HERC1: variants seen among roughly 807,000 people sequenced by gnomAD.
HERC1 encodes the protein probable E3 ubiquitin-protein ligase HERC1.
A neutral mutation model predicts 554.3 loss-of-function variants in HERC1; 160 were observed. The ratio of observed to expected loss-of-function variants is 0.29; its 90% CI spans 0.25 to 0.33. The LOEUF is 0.33. Among genes scored for constraint, HERC1 ranks in the 10% least tolerant of loss-of-function variants. The pLI, the probability that HERC1 is intolerant of heterozygous loss-of-function variation, is 1.00. For missense variants in HERC1, 4,919 were observed against 5,918.5 expected (o/e 0.83, Z 5.54); for synonymous variants, 2,175 against 2,131.7 (o/e 1.02, Z -0.56).
rs2075488316 is a variant in HERC1 at position 63,758,018 on chromosome 15, T to G, written c.1221+157A>C. On this transcript the variant is annotated intron_variant, in intron 4 of 77. Coordinates refer to ENST00000443617, the MANE Select transcript of HERC1 (RefSeq NM_003922.4). The surrounding 1 kb of genome is among the most constrained non-coding windows in gnomAD (Gnocchi z 4.0). ...CCACTGCGCCCAGCAAAAATTTATT[T>G]TTCTATTAAAATGAAAAAAACTAAT... 6.6e-6 allele frequency among the ~76,000 whole-genome samples: 1 copy of G among 152,210 alleles called. No individual in the cohort carries two copies. The highest frequency in any genetic ancestry group is 1.5e-5 in the Non-Finnish European group (1 of 68,044).
At chr15:63,717,869 C>CAAAAAAAAA (rs1300299348) in intron 21 of HERC1, among the ~76,000 whole-genome samples, 1 of 152,034 alleles carries the variant, frequency 6.6e-6, no homozygotes, top group Non-Finnish European at 1.5e-5. Context: ...GAGACTGTCT[C>CAAAAAAAAA]AAAAATAAAA....
In HERC1 at chr15:63,733,004, C is replaced by T. The variant is rs1464710753; in HGVS notation, c.2788G>A (p.Gly930Ser). Residue 930 changes from glycine (G) to serine (S), a missense_variant, in exon 14 of 78, where the codon GGC (glycine) becomes AGC (serine). By Grantham distance (56) the Gly-to-Ser change is moderately conservative (BLOSUM62 0). This residue lies in a region of HERC1 where 744 missense variants were observed against 1,090.0 expected (regional missense o/e 0.68). Transcript: ENST00000443617. ...GYGNLSDQPY[G>S]TQSCHPDTHL... Reference sequence around the variant, plus strand: ...GTATCTGGATGGCAGCTCTGAGTGCCGTAAGGTTGATCTGACAGATTTCCG... The same window carrying T: ...GTATCTGGATGGCAGCTCTGAGTGCTGTAAGGTTGATCTGACAGATTTCCG... 4.3e-6 allele frequency: 7 copies of T among 1,613,756 alleles called. No individual in the cohort carries two copies. The highest frequency in any genetic ancestry group is 1.1e-5 in the South Asian group (1 of 91,060).
intron 25 of HERC1, among the ~76,000 whole-genome samples, chr15:63,701,100 T>C (rs1459127735): frequency 3.9e-5 from 6 of 152,006 alleles, no homozygotes; most frequent in Admixed American, 3.9e-4. Context: ...TAAATTACTT[T>C]TCAAAATGAA....
chr15:63,682,332 C>A (rs920689982), intron 34 of HERC1, among the ~76,000 whole-genome samples: 5 of 152,182 alleles, frequency 3.3e-5, no homozygotes, highest in African/African-American at 9.7e-5. Flanking sequence ...AAAAACTGTG[C>A]TGTTCTTTCT....
In HERC1 at chr15:63,713,645, A is replaced by C; in HGVS notation, c.4171T>G (p.Ser1391Ala). The C allele has an allele frequency of 6.2e-7, 1 of 1,611,090 alleles. No homozygotes were observed. Among genetic ancestry groups the C allele is most frequent in the Non-Finnish European group, 8.5e-7 (1 of 1,178,486 alleles). ...TAGKIFQCFL[S>A]AREVARSRDR... is the part of the protein sequence containing the mutation. ...CGGCTACGAGCTACTTCACGGGCTG[A>C]GAGGAAACACTGAAAGATTTCTGTA... Residue 1391 changes from serine (S) to alanine (A), a missense_variant, in exon 23 of 78, where the codon TCA becomes GCA. This residue lies in a region of HERC1 where 1,121 missense variants were observed against 1,244.0 expected (regional missense o/e 0.90). Transcript: ENST00000443617.
chr15:63,755,878 G>A (rs1332442071), intron 5 of HERC1, among the ~76,000 whole-genome samples: 1 of 152,032 alleles, frequency 6.6e-6, no homozygotes, highest in Non-Finnish European at 1.5e-5. Context: ...TATTTGTGTG[G>A]GTCCTTGGCA....
intron 25 of HERC1, among the ~76,000 whole-genome samples, chr15:63,705,497 T>G (rs1270454795): frequency 6.6e-6 from 1 of 151,782 alleles, no homozygotes; most frequent in Non-Finnish European, 1.5e-5. Context: ...TTGAGCTATA[T>G]ACATGAAAAT....
chr15:63,686,558 A>T, intron 33 of HERC1, 23 bp from the exon 34 acceptor site: 2 of 1,602,330 alleles, frequency 1.2e-6, no homozygotes, highest in Non-Finnish European at 1.7e-6. Context: ...AAGCTGGGTC[A>T]GCATTTTGGA....
In HERC1 at chr15:63,641,500, C is replaced by A; in HGVS notation, c.11577G>T (p.Met3859Ile). 1 of 1,613,396 alleles carries A rather than the reference C, an allele frequency of 6.2e-7. No individual in the cohort carries two copies. The highest frequency in any genetic ancestry group is 1.1e-5 in the South Asian group (1 of 91,026). Residue 3859 changes from methionine (M) to isoleucine (I), a missense_variant, in exon 60 of 78, where the codon ATG becomes ATT. Physicochemically the swap from Met to Ile is conservative, Grantham distance 10. Around this residue, in one of 11 missense-constraint regions of HERC1, gnomAD observed 1,963 missense variants for 2,228.6 expected, o/e 0.88. Coordinates refer to ENST00000443617, the MANE Select transcript of HERC1 (RefSeq NM_003922.4). ...CATAGGCATACTGCTCCTGAAGCAT[C>A]ATGGGGAGCCGCTCCAAAAATGCTC... is the stretch of plus-strand genomic sequence containing the variant. The part of the protein sequence containing the change: ...CMRAFLERLP[M>I]MLQEQYAYEK...
chr15:63,641,809 T>C (rs189784908), intron 59 of HERC1, among the ~76,000 whole-genome samples, 166 bp from the exon 60 acceptor site: 2 of 152,200 alleles, frequency 1.3e-5, no homozygotes, highest in Non-Finnish European at 2.9e-5. Flanking sequence ...CTTCAAAATA[T>C]CCTAAATTTT....
At chr15:63,714,651 C>T (rs1209718688) in intron 22 of HERC1, among the ~76,000 whole-genome samples, 2 of 146,942 alleles carry the variant, frequency 1.4e-5, no homozygotes, top group South Asian at 2.1e-4. Flanking sequence ...CAGGTTCAAG[C>T]GATTCTCCTG....
chr15:63,672,766 ACTTCTAC>A, intron 38 of HERC1, 72 bp from the exon 39 acceptor site: 1 of 968,268 alleles, frequency 1.0e-6, no homozygotes, highest in South Asian at 1.8e-5. Context: ...GGAATAAAAA[ACTTCTAC>A]CTGTTTAATT....
intron 3 of HERC1, among the ~76,000 whole-genome samples, chr15:63,762,289 A>C (rs2075637160): frequency 6.6e-6 from 1 of 152,154 alleles, no homozygotes; most frequent in Non-Finnish European, 1.5e-5. Context: ...GCTGAAACTC[A>C]AATAGGCTTA....
intron 3 of HERC1, among the ~76,000 whole-genome samples, chr15:63,762,174 A>G (rs1405221478): frequency 6.6e-6 from 1 of 152,228 alleles, no homozygotes; most frequent in Non-Finnish European, 1.5e-5. Flanking sequence ...AGGAGGCTCT[A>G]AAAGATTATG....
chr15:63,825,099 G>A (rs1439384612), intron 1 of HERC1, among the ~76,000 whole-genome samples: 3 of 152,038 alleles, frequency 2.0e-5, no homozygotes, highest in African/African-American at 4.8e-5. Context: ...ACTTGAGGCC[G>A]GGAGTTCGAG....
intron 47 of HERC1, 133 bp from the exon 48 acceptor site, chr15:63,658,851 C>G (rs2152922713): frequency 1.7e-6 from 1 of 583,552 alleles, no homozygotes; most frequent in East Asian, 3.0e-5. Flanking sequence ...CTTGGTTATA[C>G]AGAAAATTTC....
At chr15:63,620,327 G>C (rs1429645031) in intron 74 of HERC1, among the ~76,000 whole-genome samples, 1 of 152,066 alleles carries the variant, frequency 6.6e-6, no homozygotes, top group Non-Finnish European at 1.5e-5. Context: ...TTAATCCTGA[G>C]TTCTAGTTTG....
chr15:63,782,794 A>G (rs1406151655), intron 1 of HERC1, among the ~76,000 whole-genome samples: 6 of 152,240 alleles, frequency 3.9e-5, no homozygotes, highest in Admixed American at 3.9e-4. Flanking sequence ...GGAAAAGGCC[A>G]AAGTATCAAT....
chr15:63,641,722 T>C lies in HERC1; in HGVS notation c.11434-79A>G, dbSNP rs2069072403. 3 of 1,208,974 alleles carry C rather than the reference T, an allele frequency of 2.5e-6. No individual in the cohort carries two copies. The Admixed American group carries it at 8.9e-5, about 36-fold the overall frequency. 74.9% of individuals were successfully genotyped at this position (1,208,974 alleles called of 1,614,324 possible). On this transcript the variant is annotated intron_variant, in intron 59 of 77. Transcript: ENST00000443617. ...GCTATCACCATTTAATCTGCGAAATTCCTTCTAGTAACTGGGACATCTTTG... is the reference window on the plus strand; with the variant it reads ...GCTATCACCATTTAATCTGCGAAATCCCTTCTAGTAACTGGGACATCTTTG...
Sources: allele counts gnomAD v4.1 joint callset (sites outside exome capture counted in the v4.1 genomes callset), GRCh38; gene constraint gnomAD v4.1.1; regional missense constraint gnomAD v4.1.1; non-coding constraint Gnocchi (gnomAD v3.1); transcripts MANE v1.5; gene names NCBI Gene and HGNC (gene_info 2026-07-23, HGNC 2026-07-21).